ZC3H13: variants seen among roughly 807,000 people sequenced by gnomAD.
The protein encoded by ZC3H13 is zinc finger CCCH domain-containing protein 13.
ZC3H13 carries 64 observed loss-of-function variants against 204.1 expected under a neutral mutation model. The observed-to-expected ratio is 0.31, with a 90% CI of 0.26 to 0.39. The LOEUF is 0.39. Ranked by LOEUF, ZC3H13 falls within the 10% of genes least tolerant of loss-of-function variation. The pLI is 1.00. For synonymous variants in ZC3H13, 667 were observed against 693.7 expected, an observed-to-expected ratio of 0.96 and a Z score of 0.60; for missense variants, 1,833 against 2,082.7, an observed-to-expected ratio of 0.88 and a Z score of 2.33.
At chr13:45,998,958 C>A (rs939813317) in intron 8 of ZC3H13, among the ~76,000 whole-genome samples, 1 of 152,094 alleles carries the variant, frequency 6.6e-6, no homozygotes, top group Non-Finnish European at 1.5e-5. Flanking sequence ...AAACTGCAGT[C>A]GGCTGGGCAT....
Position 45,979,908 on chromosome 13 carries a change from T to A in ZC3H13, c.1817A>T (p.Asp606Val). ...WETRSSYPER[D>V]RYPERDNRDQ... The stretch of plus-strand genomic sequence containing the variant: ...TCTGTTGTCTCTTTCAGGATATCTA[T>A]CTCTTTCAGGATAGCTACTTCGAGT... The change falls in exon 11 of 19, where the codon GAT becomes GTT. Residue 606 changes from aspartate to valine, a missense_variant. By Grantham distance (152) the Asp-to-Val change is radical. Transcript: ENST00000679008. The A allele has an allele frequency of 6.2e-7, 1 of 1,612,778 alleles. No homozygotes were observed. Among genetic ancestry groups the A allele is most frequent in the Non-Finnish European group, 8.5e-7 (1 of 1,179,302 alleles).
intron 1 of ZC3H13, among the ~76,000 whole-genome samples, chr13:46,046,150 T>G (rs1467725837): frequency 1.3e-5 from 2 of 152,132 alleles, no homozygotes; most frequent in Non-Finnish European, 2.9e-5. Flanking sequence ...AACTCAATGT[T>G]GATAGAAACA....
intron 12 of ZC3H13, among the ~76,000 whole-genome samples, chr13:45,972,178 G>GAA (rs948418715): frequency 2.0e-4 from 29 of 143,030 alleles, no homozygotes; most frequent in African/African-American, 7.2e-4. Context: ...GTCATTATAT[G>GAA]AAAAAAAAAA....
intron 5 of ZC3H13, among the ~76,000 whole-genome samples, chr13:46,019,769 G>A (rs2042115195): frequency 6.6e-6 from 1 of 152,196 alleles, no homozygotes; most frequent in Admixed American, 6.5e-5. Context: ...TTTTTTTGTA[G>A]AGATGGGGTC....
At chr13:46,036,048 T>G (rs2043188760) in intron 4 of ZC3H13, among the ~76,000 whole-genome samples, 1 of 151,794 alleles carries the variant, frequency 6.6e-6, no homozygotes, top group African/African-American at 2.4e-5. Flanking sequence ...TTTTGGAGGC[T>G]GAGGCAGGAG....
At chr13:46,033,828 CTTCA>C (rs961741192) in intron 4 of ZC3H13, among the ~76,000 whole-genome samples, 13 of 151,926 alleles carry the variant, frequency 8.6e-5, no homozygotes, top group Non-Finnish European at 1.5e-5. Context: ...TATAACTGGA[CTTCA>C]TTCAAGTTGA....
At chr13:45,992,925 C>A (rs2040066758) in intron 8 of ZC3H13, among the ~76,000 whole-genome samples, 1 of 152,148 alleles carries the variant, frequency 6.6e-6, no homozygotes, top group African/African-American at 2.4e-5. Context: ...ATTACACCAC[C>A]AGCTTTCCTG....
chr13:45,969,918 G>C lies in ZC3H13; in HGVS notation c.2626C>G (p.Leu876Val), dbSNP rs780560158. The C allele has an allele frequency of 8.1e-6, 13 of 1,613,396 alleles. No homozygotes were observed. In the East Asian group the frequency reaches 8.9e-5, roughly 11 times the overall value. Residue 876 changes from leucine to valine, a missense_variant, in exon 14 of 19, where the codon CTT becomes GTT. Transcript: ENST00000679008. ...QVVRPQESRSLSPSHLTEDRQ... is the reference protein window; with the variant it reads ...QVVRPQESRSVSPSHLTEDRQ... ...TCTTCTGTGAGGTGCGAGGGACTAA[G>C]AGAACGAGATTCTTGAGGTCGTACA...
intron 4 of ZC3H13, among the ~76,000 whole-genome samples, chr13:46,024,040 T>C (rs1314992484): frequency 6.6e-6 from 1 of 152,194 alleles, no homozygotes; most frequent in Non-Finnish European, 1.5e-5. Flanking sequence ...GCAAGGAGAA[T>C]GGGATTATTC....
In ZC3H13 at chr13:46,052,553, G is replaced by A; in HGVS notation, c.-159C>T. 1 of 398,762 alleles carries A rather than the reference G, an allele frequency of 2.5e-6. No individual in the cohort carries two copies. Among genetic ancestry groups the A allele is most frequent in the Non-Finnish European group, 4.4e-6 (1 of 226,200 alleles). The allele number at this position is 398,762 out of a possible 1,614,324, so 24.7% of individuals were successfully genotyped here. Reference sequence around the variant, plus strand: ...GATGCGCGCGCGGCTCCCGGGAACCGGCTCTTGGCTAGCGAGGAGCCCCCG... The same window carrying A: ...GATGCGCGCGCGGCTCCCGGGAACCAGCTCTTGGCTAGCGAGGAGCCCCCG... On this transcript the variant is annotated 5_prime_UTR_variant, in exon 1 of 19. Coordinates refer to ENST00000679008, the MANE Select transcript of ZC3H13 (RefSeq NM_001330564.2).
chr13:46,006,819 T>G (rs1012319308), intron 7 of ZC3H13, among the ~76,000 whole-genome samples: 17 of 147,598 alleles, frequency 1.2e-4, no homozygotes, highest in African/African-American at 4.3e-4. Context: ...CTCATCCCTA[T>G]GTCTTATTAT....
At chr13:46,011,630 C>T in intron 5 of ZC3H13, 76 bp from the exon 6 acceptor site, 1 of 1,207,468 alleles carries the variant, frequency 8.3e-7, no homozygotes. Context: ...CTTTTTTCAA[C>T]TAATTTCTTA....
intron 8 of ZC3H13, among the ~76,000 whole-genome samples, chr13:45,999,921 C>G (rs2040616353): frequency 6.6e-6 from 1 of 152,190 alleles, no homozygotes; most frequent in African/African-American, 2.4e-5. Context: ...CTCCTGACAT[C>G]TTCATCAGAG....
At chr13:45,958,218 A>G (rs1951407212) in intron 18 of ZC3H13, among the ~76,000 whole-genome samples, 1 of 152,188 alleles carries the variant, frequency 6.6e-6, no homozygotes, top group Non-Finnish European at 1.5e-5. Flanking sequence ...CCCCCTACCC[A>G]CTACCCTAAA....
At chr13:45,971,060 C>A (rs1246735609) in intron 12 of ZC3H13, among the ~76,000 whole-genome samples, 1 of 152,150 alleles carries the variant, frequency 6.6e-6, no homozygotes, top group Non-Finnish European at 1.5e-5. Context: ...GTCATAAACC[C>A]AGTGCCAAAT....
At chr13:46,040,806 T>C (rs2043525863) in intron 4 of ZC3H13, among the ~76,000 whole-genome samples, 1 of 152,064 alleles carries the variant, frequency 6.6e-6, no homozygotes, top group Non-Finnish European at 1.5e-5. Context: ...AAAGAAAATA[T>C]ACAAATAGCC....
intron 11 of ZC3H13, among the ~76,000 whole-genome samples, chr13:45,977,097 TC>T (rs1953115590): frequency 1.3e-5 from 2 of 152,288 alleles, no homozygotes; most frequent in Admixed American, 1.3e-4. Flanking sequence ...GAAATTATGG[TC>T]CAGAGTTGTC....
chr13:46,031,679 G>A (rs553986568), intron 4 of ZC3H13, among the ~76,000 whole-genome samples: 7 of 152,220 alleles, frequency 4.6e-5, no homozygotes, highest in South Asian at 2.1e-4. Context: ...ATGAAAAGAC[G>A]CTCAAGAGCT....
At chr13:45,962,674 G>A (rs1399316331) in intron 17 of ZC3H13, 1 of 979,790 alleles carries the variant, frequency 1.0e-6, no homozygotes, top group Non-Finnish European at 1.2e-6. Context: ...ATAGAGTAAA[G>A]GAAGGGCATG....
Sources: gnomAD v4.1 joint callset for allele counts (sites outside exome capture counted in the v4.1 genomes callset) on GRCh38, gnomAD v4.1.1 for gene constraint, MANE v1.5 for transcripts, NCBI Gene and HGNC (gene_info 2026-07-23, HGNC 2026-07-21) for gene names.